The following TMC2 variants were observed in gnomAD, a reference collection of about 807,000 sequenced individuals.
TMC2 encodes the protein transmembrane channel like 2.
In TMC2, 102 loss-of-function variants were observed where a neutral mutation model predicts 105.9. That is an observed-to-expected ratio of 0.96 (90% confidence interval 0.82 to 1.14). The LOEUF (loss-of-function observed/expected upper bound fraction) is 1.14. TMC2 is among the 50% of genes most tolerant of loss of function. The probability of loss-of-function intolerance (pLI) is 0.00; values close to 1 mark genes in which losing one functional copy is unlikely to be tolerated. For missense variants in TMC2, 1,093 were observed against 1,134.3 expected (o/e 0.96, Z 0.52); for synonymous variants, 402 against 422.8 (o/e 0.95, Z 0.60).
chr20:2,586,607 G>A (rs2086233605), intron 7 of TMC2, among the ~76,000 whole-genome samples: 1 of 152,186 alleles, frequency 6.6e-6, no homozygotes, highest in Non-Finnish European at 1.5e-5. Flanking sequence ...GTGATTGGGA[G>A]AGGTCCTAGA....
At position 2,537,288 on chromosome 20, in the gene TMC2, G is replaced by A. The variant is rs1363113597; in HGVS notation, c.54G>A (p.Gly18=). The A allele has an allele frequency of 1.2e-6, 2 of 1,604,368 alleles. No individual in the cohort carries two copies. The highest frequency in any genetic ancestry group is 1.7e-5 in the Admixed American group (1 of 58,520). ...LKEEARGGVK[G]RVKSGSPHTG... ...TTACAGCACGAGGCGGAGTGAAAGG[G>A]CGGGTGAAGAGCGGCTCTCCACACA... is the stretch of plus-strand genomic sequence containing the variant. The change falls in exon 2 of 20, where the codon GGG becomes GGA. Residue 18 remains glycine, a synonymous_variant. Transcript: ENST00000358864.
At chr20:2,612,625 G>A (rs994548713) in intron 13 of TMC2, among the ~76,000 whole-genome samples, 1 of 152,146 alleles carries the variant, frequency 6.6e-6, no homozygotes, top group African/African-American at 2.4e-5. Context: ...TGCAGAGAAA[G>A]CTTTGTCCTT....
chr20:2,604,700 G>A (rs1012499201), intron 11 of TMC2, among the ~76,000 whole-genome samples: 9 of 152,080 alleles, frequency 5.9e-5, no homozygotes, highest in East Asian at 1.9e-4. Context: ...GCCGTATCCC[G>A]TCACCTCCAG....
In TMC2 at chr20:2,568,984, G is replaced by A. The variant is rs572277903; in HGVS notation, c.555-3195G>A. ...GCATTTTGTAGGAGCAGTGGTGACT[G>A]TAGCAATAGCAGCCAGACACACACA... On this transcript the variant is annotated intron_variant, in intron 4 of 19. Coordinates refer to ENST00000358864, the MANE Select transcript of TMC2 (RefSeq NM_080751.3). Among the ~76,000 whole-genome samples, 4 of 152,330 alleles carry A rather than the reference G, an allele frequency of 2.6e-5. No individual in the cohort carries two copies. The East Asian group carries it at 7.7e-4, about 29-fold the overall frequency.
At chr20:2,622,748 T>C (rs1600137229) in intron 16 of TMC2, among the ~76,000 whole-genome samples, 1 of 152,160 alleles carries the variant, frequency 6.6e-6, no homozygotes, top group Middle Eastern at 3.4e-3. Flanking sequence ...AATTTGTCCA[T>C]GAGCCATTGT....
intron 5 of TMC2, among the ~76,000 whole-genome samples, chr20:2,576,952 T>C (rs34780230): frequency 6.9e-6 from 1 of 145,588 alleles, no homozygotes; most frequent in South Asian, 2.2e-4. Flanking sequence ...TCTGTCACCC[T>C]GGCTGGAGTG....
At chr20:2,631,789 T>C (rs943004982) in intron 17 of TMC2, among the ~76,000 whole-genome samples, 2 of 151,994 alleles carry the variant, frequency 1.3e-5, no homozygotes, top group African/African-American at 4.8e-5. Context: ...GCTTCCTGTG[T>C]AAATTAATAT....
At chr20:2,630,555 C>A (rs2086596326) in intron 17 of TMC2, among the ~76,000 whole-genome samples, 1 of 152,092 alleles carries the variant, frequency 6.6e-6, no homozygotes, top group Non-Finnish European at 1.5e-5. Context: ...GGTGTGGTGG[C>A]TCATGCTGGT....
intron 12 of TMC2, 116 bp from the exon 13 acceptor site, chr20:2,612,075 G>C: frequency 5.7e-6 from 6 of 1,058,662 alleles, no homozygotes; most frequent in Non-Finnish European, 6.7e-6. Flanking sequence ...TCTGTCCAGG[G>C]GAGAGCAGAA....
intron 2 of TMC2, among the ~76,000 whole-genome samples, chr20:2,554,399 T>C (rs1302052453): frequency 6.6e-6 from 1 of 152,244 alleles, no homozygotes; most frequent in Non-Finnish European, 1.5e-5. Flanking sequence ...AACCTCTCTA[T>C]GATTTCATGC....
intron 5 of TMC2, among the ~76,000 whole-genome samples, chr20:2,576,014 C>A (rs2086141875): frequency 6.6e-6 from 1 of 152,182 alleles, no homozygotes; most frequent in South Asian, 2.1e-4. Flanking sequence ...ATGTATGTAT[C>A]TTGGAGGAAA....
intron 2 of TMC2, among the ~76,000 whole-genome samples, chr20:2,542,679 C>G (rs1297140346): frequency 1.3e-5 from 2 of 148,986 alleles, no homozygotes; most frequent in Non-Finnish European, 3.0e-5. Context: ...TTTTTACAGT[C>G]TTTTCTCTTT....
Position 2,616,092 on chromosome 20 carries a change from C to T in TMC2, c.1873-45C>T. 2 of 1,436,788 alleles carry T rather than the reference C, an allele frequency of 1.4e-6. No individual in the cohort carries two copies. The allele number at this position is 1,436,788 out of a possible 1,614,324, so 89.0% of individuals were successfully genotyped here. ...GGTTTGGCTGAATTCACCAAACGTG[C>T]TTTTTTTTTTCTCTCTCTCTCTCGC... On this transcript the variant is annotated intron_variant, in intron 14 of 19. Coordinates refer to ENST00000358864, the MANE Select transcript of TMC2 (RefSeq NM_080751.3). The surrounding 1 kb of genome is among the most constrained non-coding windows in gnomAD (Gnocchi z 4.8).
At chr20:2,606,891 CTTTT>C (rs11476357) in intron 11 of TMC2, among the ~76,000 whole-genome samples, 18,156 of 84,426 alleles carry the variant, frequency 0.22, 1,242 homozygotes, top group Middle Eastern at 0.33. Context: ...TTTCTTTTTT[CTTTT>C]TTTTTTTTTT....
chr20:2,559,483 A>G (rs1188043210), intron 3 of TMC2, among the ~76,000 whole-genome samples: 1 of 152,062 alleles, frequency 6.6e-6, no homozygotes, highest in African/African-American at 2.4e-5. Flanking sequence ...TCCCTTTTTC[A>G]GTCATTGAGG....
At chr20:2,605,644 G>A in intron 11 of TMC2, among the ~76,000 whole-genome samples, 1 of 152,166 alleles carries the variant, frequency 6.6e-6, no homozygotes, top group South Asian at 2.1e-4. Context: ...AAATTTGTGG[G>A]AGGAGGAGGA....
chr20:2,599,161 G>C (rs1038122649), intron 10 of TMC2, among the ~76,000 whole-genome samples: 8 of 152,008 alleles, frequency 5.3e-5, no homozygotes, highest in Admixed American at 1.3e-4. Context: ...CCAGCTACTC[G>C]GGAGGCTGAG....
intron 11 of TMC2, among the ~76,000 whole-genome samples, chr20:2,606,897 T>C (rs943337596): frequency 6.8e-6 from 1 of 147,314 alleles, no homozygotes; most frequent in African/African-American, 2.5e-5. Flanking sequence ...TTTTCTTTTT[T>C]TTTTTTTTTT....
At chr20:2,606,133 G>C (rs2086389731) in intron 11 of TMC2, among the ~76,000 whole-genome samples, 1 of 152,150 alleles carries the variant, frequency 6.6e-6, no homozygotes, top group Non-Finnish European at 1.5e-5. Context: ...CAAAATGATA[G>C]ACTTGCTCTT....
Sources: allele counts gnomAD v4.1 joint callset (sites outside exome capture counted in the v4.1 genomes callset), GRCh38; gene constraint gnomAD v4.1.1; non-coding constraint Gnocchi (gnomAD v3.1); transcripts MANE v1.5; gene names NCBI Gene and HGNC (gene_info 2026-07-23, HGNC 2026-07-21).